Variants in CNTNAP5 observed in about 807,000 individuals in gnomAD.
CNTNAP5 encodes the protein contactin associated protein family member 5, also known as contactin-associated protein-like 5.
Under a neutral mutation model 150.2 loss-of-function variants are expected in CNTNAP5, and 72 were observed. The ratio of observed to expected loss-of-function variants is 0.48; its 90% confidence interval spans 0.40 to 0.58. The LOEUF (loss-of-function observed/expected upper bound fraction) is 0.58. CNTNAP5 is among the 20% of genes least tolerant of loss of function. The pLI is 0.00. For synonymous variants in CNTNAP5, 672 were observed against 619.8 expected, an observed-to-expected ratio of 1.08 and a Z score of -1.25; for missense variants, 1,636 against 1,626.2, an observed-to-expected ratio of 1.01 and a Z score of -0.10.
intron 10 of CNTNAP5, among the ~76,000 whole-genome samples, chr2:124,547,034 C>A (rs1020457588): frequency 1.3e-5 from 2 of 152,082 alleles, no homozygotes; most frequent in African/African-American, 4.8e-5. Flanking sequence ...AGGGAGGGAG[C>A]AGAATCTCTC....
chr2:124,048,683 T>C (rs1239386726), intron 1 of CNTNAP5, among the ~76,000 whole-genome samples: 1 of 152,204 alleles, frequency 6.6e-6, no homozygotes. Flanking sequence ...TGCTTTCTTT[T>C]TAGGCAGTCT....
chr2:124,188,593 C>A (rs1419071118), intron 1 of CNTNAP5, among the ~76,000 whole-genome samples: 2 of 151,696 alleles, frequency 1.3e-5, no homozygotes, highest in African/African-American at 4.8e-5. Flanking sequence ...GTGGCGGGCG[C>A]CTGTAGTCCC....
chr2:124,142,824 C>A lies in CNTNAP5; in HGVS notation c.83-78881C>A, dbSNP rs977594818. On this transcript the variant is annotated intron_variant, in intron 1 of 23. Coordinates refer to ENST00000682447, the MANE Select transcript of CNTNAP5 (RefSeq NM_001367498.1). ...CTGAAGGAAATAGAGACACAAAAAA[C>A]CCTTCAAAAAAATCAATAAATCCAG... is the stretch of plus-strand genomic sequence containing the variant. Among the ~76,000 whole-genome samples the A allele has an allele frequency of 6.4e-4, 97 of 150,846 alleles. 2 individuals are homozygous for A. Among genetic ancestry groups the A allele is most frequent in the African/African-American group, 2.2e-3 (91 of 40,606 alleles).
intron 13 of CNTNAP5, among the ~76,000 whole-genome samples, chr2:124,664,012 C>G (rs1678646480): frequency 6.6e-6 from 1 of 152,092 alleles, no homozygotes; most frequent in Admixed American, 6.5e-5. Context: ...AAAACAGTAA[C>G]TGGGTCATAT....
At chr2:124,173,040 A>T (rs12711673) in intron 1 of CNTNAP5, among the ~76,000 whole-genome samples, 117,636 of 152,060 alleles carry the variant, frequency 0.77, 46,135 homozygotes, top group Non-Finnish European at 0.8. Context: ...TATTATTATA[A>T]CTGTTATGGT....
At chr2:124,174,155 A>T (rs1376034540) in intron 1 of CNTNAP5, among the ~76,000 whole-genome samples, 4 of 152,054 alleles carry the variant, frequency 2.6e-5, no homozygotes, top group Non-Finnish European at 5.9e-5. Flanking sequence ...CTGCTCATTG[A>T]CAATGCACCT....
intron 1 of CNTNAP5, among the ~76,000 whole-genome samples, chr2:124,158,883 G>T (rs1026228925): frequency 2.0e-5 from 3 of 152,166 alleles, no homozygotes; most frequent in African/African-American, 7.2e-5. Context: ...AAGGTACAAG[G>T]CTGGTGGCCA....
At chr2:124,157,879 T>C (rs1200152861) in intron 1 of CNTNAP5, among the ~76,000 whole-genome samples, 1 of 152,196 alleles carries the variant, frequency 6.6e-6, no homozygotes, top group Non-Finnish European at 1.5e-5. Context: ...TGCCAAGAAC[T>C]GCCTCTGACA....
At chr2:124,829,422 A>G (rs1262912145) in intron 19 of CNTNAP5, among the ~76,000 whole-genome samples, 2 of 152,190 alleles carry the variant, frequency 1.3e-5, no homozygotes, top group African/African-American at 2.4e-5. Flanking sequence ...TTACTTTCCT[A>G]TTTGTTGGAA....
intron 1 of CNTNAP5, among the ~76,000 whole-genome samples, chr2:124,163,669 C>A (rs1195262673): frequency 6.6e-6 from 1 of 152,096 alleles, no homozygotes; most frequent in Non-Finnish European, 1.5e-5. Flanking sequence ...ATCTGCACTA[C>A]AAAAAAGTTA....
chr2:124,581,578 T>G (rs992250548), intron 11 of CNTNAP5, among the ~76,000 whole-genome samples: 6 of 152,156 alleles, frequency 3.9e-5, no homozygotes, highest in Non-Finnish European at 8.8e-5. Flanking sequence ...AAAAAGTGTT[T>G]GAGAGTTTGA....
At chr2:124,869,825 T>A (rs1004636469) in intron 21 of CNTNAP5, 63 bp downstream of exon 21, 116 of 998,670 alleles carry the variant, frequency 1.2e-4, no homozygotes, top group Non-Finnish European at 1.7e-4. Context: ...TGCATAATTT[T>A]CATTAGGGTG....
intron 1 of CNTNAP5, among the ~76,000 whole-genome samples, chr2:124,194,413 ATAT>A (rs1558795551): frequency 0.02 from 41 of 2,018 alleles, no homozygotes; most frequent in Middle Eastern, 0.5. Flanking sequence ...ATATATATAA[ATAT>A]AAATAGGTGT....
intron 3 of CNTNAP5, among the ~76,000 whole-genome samples, chr2:124,416,652 C>A (rs887842180): frequency 9.2e-5 from 14 of 152,136 alleles, no homozygotes; most frequent in African/African-American, 2.9e-4. Context: ...TTTTTCCTTC[C>A]CTTTTTCTCT....
At position 124,498,550 on chromosome 2, in the gene CNTNAP5, C is replaced by T. The variant is rs1259509659; in HGVS notation, c.1063-5742C>T. Reference sequence around the variant, plus strand: ...TTCCTGGATTGAAGTGATCCTCCCACCTCAGCCGTTCTAAGTGCTGGGATT... The same window carrying T: ...TTCCTGGATTGAAGTGATCCTCCCATCTCAGCCGTTCTAAGTGCTGGGATT... On this transcript the variant is annotated intron_variant, in intron 7 of 23. Transcript: ENST00000682447. 2.0e-5 allele frequency among the ~76,000 whole-genome samples: 3 copies of T among 152,206 alleles called. 1 individual carries two copies. Among genetic ancestry groups the T allele is most frequent in the East Asian group, 3.8e-4 (2 of 5,204 alleles).
intron 13 of CNTNAP5, among the ~76,000 whole-genome samples, chr2:124,669,993 C>T (rs561628028): frequency 6.6e-6 from 1 of 152,280 alleles, no homozygotes; most frequent in South Asian, 2.1e-4. Context: ...TTCAGTGATC[C>T]AGTGTCCATC....
At chr2:124,206,588 G>A (rs754461387) in intron 1 of CNTNAP5, among the ~76,000 whole-genome samples, 6 of 152,202 alleles carry the variant, frequency 3.9e-5, no homozygotes, top group Non-Finnish European at 8.8e-5. Flanking sequence ...GCATGAAGTA[G>A]TAAGATGAGG....
rs1364956658 is a variant in CNTNAP5 at position 124,921,162 on chromosome 2, G to A, written c.*6874G>A. ...TTGTTGTACAGAAGAAAGACAAACT[G>A]TAAATAATGTATATTTAATAAAGAG... On this transcript the variant is annotated 3_prime_UTR_variant, in exon 24 of 24. Coordinates refer to ENST00000682447, the MANE Select transcript of CNTNAP5 (RefSeq NM_001367498.1). Among the ~76,000 whole-genome samples, 2 of 152,154 alleles carry A rather than the reference G, an allele frequency of 1.3e-5. No homozygotes were observed. The highest frequency in any genetic ancestry group is 2.4e-5 in the African/African-American group (1 of 41,446).
At chr2:124,634,032 G>A (rs1677921369) in intron 12 of CNTNAP5, among the ~76,000 whole-genome samples, 2 of 152,216 alleles carry the variant, frequency 1.3e-5, no homozygotes, top group African/African-American at 4.8e-5. Context: ...TGTGATGGGA[G>A]AGGCTGCCAT....
Sources: allele counts gnomAD v4.1 joint callset (sites outside exome capture counted in the v4.1 genomes callset), GRCh38; gene constraint gnomAD v4.1.1; transcripts MANE v1.5; gene names NCBI Gene and HGNC (gene_info 2026-07-23, HGNC 2026-07-21).